The following CATSPERB variants were observed in gnomAD, a reference collection of about 807,000 sequenced individuals.
The protein encoded by CATSPERB is catsper channel auxiliary subunit beta, also known as cation channel sperm-associated auxiliary subunit beta.
Under a neutral mutation model 128.3 loss-of-function variants are expected in CATSPERB, and 93 were observed. That is an observed-to-expected ratio of 0.72 (90% CI 0.61 to 0.86). CATSPERB has a LOEUF of 0.86. Ranked by LOEUF, CATSPERB falls within the 40% of genes least tolerant of loss-of-function variation. CATSPERB has a pLI of 0.00. For synonymous variants in CATSPERB, 381 were observed against 448.8 expected (o/e 0.85, Z 1.91); for missense variants, 1,153 against 1,329.5 (o/e 0.87, Z 2.06).
chr14:91,664,061 G>A (rs1333839266), intron 14 of CATSPERB, among the ~76,000 whole-genome samples: 4 of 152,048 alleles, frequency 2.6e-5, no homozygotes, highest in Non-Finnish European at 4.4e-5. Context: ...TCAGACAGAA[G>A]AGTTTCACTG....
intron 14 of CATSPERB, among the ~76,000 whole-genome samples, chr14:91,661,048 C>T (rs1225804432): frequency 1.3e-5 from 2 of 152,138 alleles, no homozygotes; most frequent in Non-Finnish European, 2.9e-5. Context: ...TTCTGTTACT[C>T]AGGATGCAGC....
At chr14:91,625,094 T>A (rs1894134388) in intron 17 of CATSPERB, 87 bp from the exon 18 acceptor site, 1 of 766,882 alleles carries the variant, frequency 1.3e-6, no homozygotes, top group Non-Finnish European at 2.0e-6. Flanking sequence ...ACAAAGAAAG[T>A]ATACCACAAA....
chr14:91,597,974 T>C (rs997658740), intron 22 of CATSPERB, among the ~76,000 whole-genome samples: 1 of 152,084 alleles, frequency 6.6e-6, no homozygotes, highest in East Asian at 1.9e-4. Flanking sequence ...GACAACTTGA[T>C]TATATAAAAG....
At chr14:91,704,856 A>G (rs1566736287) in intron 6 of CATSPERB, among the ~76,000 whole-genome samples, 155 bp from the exon 7 acceptor site, 1 of 152,226 alleles carries the variant, frequency 6.6e-6, no homozygotes, top group Non-Finnish European at 1.5e-5. Flanking sequence ...AAAATCAGTC[A>G]GTGACTATTT....
rs113213051 is a variant in CATSPERB, at chr14:91,692,938, C to T, written c.831+188G>A. On this transcript the variant is annotated intron_variant, in intron 9 of 26. Coordinates refer to ENST00000256343, the MANE Select transcript of CATSPERB (RefSeq NM_024764.4). ...TTGTAGAGCAATACAACTAGCACCA[C>T]TTCCAAATTATATATTCAATACTAC... 5.2e-3 allele frequency among the ~76,000 whole-genome samples: 786 copies of T among 152,234 alleles called. 9 individuals are homozygous for T. The highest frequency in any genetic ancestry group is 0.018 in the African/African-American group (737 of 41,532).
chr14:91,639,162 A>G lies in CATSPERB; in HGVS notation c.1521T>C (p.Thr507=). The G allele has an allele frequency of 6.2e-7, 1 of 1,614,012 alleles. No homozygotes were observed. The highest frequency in any genetic ancestry group is 2.2e-5 in the East Asian group (1 of 44,874). ...YDHLGFLHKL[T]LGRFEASGPP... is the part of the protein sequence containing the mutation. Reference sequence around the variant, plus strand: ...GTCCACTAGCTTCAAAGCGACCCAGAGTCAGCTTATGTAGGAATCCCAAGT... The same window carrying G: ...GTCCACTAGCTTCAAAGCGACCCAGGGTCAGCTTATGTAGGAATCCCAAGT... Residue 507 remains threonine (T), a synonymous_variant, in exon 16 of 27, where the codon ACT becomes ACC. Transcript: ENST00000256343.
chr14:91,619,556 A>ATTTTTTTT (rs1566706237), intron 19 of CATSPERB, among the ~76,000 whole-genome samples: 1 of 54,874 alleles, frequency 1.8e-5, no homozygotes, highest in Non-Finnish European at 4.7e-5. Context: ...TTTTTTTTAA[A>ATTTTTTTT]AAAAAAATAG....
At chr14:91,604,495 A>G in intron 22 of CATSPERB, 1 of 1,599,868 alleles carries the variant, frequency 6.3e-7, no homozygotes, top group East Asian at 2.2e-5. Context: ...GCTGTATTAC[A>G]TTATGGCCTT....
intron 10 of CATSPERB, among the ~76,000 whole-genome samples, chr14:91,686,522 C>T (rs1185735444): frequency 2.0e-5 from 3 of 152,096 alleles, no homozygotes; most frequent in Non-Finnish European, 4.4e-5. Context: ...AATAATTTCA[C>T]TTTTTCCCCT....
chr14:91,655,712 G>A (rs1219607661), intron 15 of CATSPERB, among the ~76,000 whole-genome samples: 1 of 152,064 alleles, frequency 6.6e-6, no homozygotes, highest in Non-Finnish European at 1.5e-5. Flanking sequence ...GCCTCAAAAG[G>A]GCAAATCTAA....
chr14:91,600,829 C>G (rs1264700982), intron 22 of CATSPERB, among the ~76,000 whole-genome samples: 20 of 152,214 alleles, frequency 1.3e-4, no homozygotes, highest in Admixed American at 1.3e-3. Context: ...AATCCTTGCC[C>G]CAAGGGGCTG....
intron 5 of CATSPERB, among the ~76,000 whole-genome samples, chr14:91,716,750 G>GAC (rs1895949155): frequency 2.7e-5 from 3 of 112,044 alleles, no homozygotes; most frequent in East Asian, 5.6e-4. Flanking sequence ...CACACACACA[G>GAC]ACACACACAC....
At chr14:91,695,385 C>T (rs1302505701) in intron 7 of CATSPERB, among the ~76,000 whole-genome samples, 1 of 152,082 alleles carries the variant, frequency 6.6e-6, no homozygotes, top group Non-Finnish European at 1.5e-5. Flanking sequence ...CCCACCTCAG[C>T]CTCCAAAAGT....
intron 11 of CATSPERB, among the ~76,000 whole-genome samples, chr14:91,679,548 G>A (rs1288726554): frequency 1.3e-5 from 2 of 151,884 alleles, no homozygotes; most frequent in Non-Finnish European, 2.9e-5. Flanking sequence ...ATTTTTGATG[G>A]CTTAAAAAAC....
At position 91,708,055 on chromosome 14, in the gene CATSPERB, T is replaced by C. The variant is rs1052152678; in HGVS notation, c.466+86A>G. On this transcript the variant is annotated intron_variant, in intron 6 of 26. Coordinates refer to ENST00000256343, the MANE Select transcript of CATSPERB (RefSeq NM_024764.4). ...TATTTATTTTTAATCTCTAGGACCT[T>C]AGCACAGAATCTGGCATATAGCGGA... The C allele has an allele frequency of 3.0e-4, 255 of 858,504 alleles. 1 individual carries two copies. Among genetic ancestry groups the C allele is most frequent in the Admixed American group, 3.7e-4 (20 of 54,510 alleles). The allele number at this position is 858,504 out of a possible 1,614,324, so 53.2% of individuals were successfully genotyped here.
chr14:91,678,735 A>C (rs925053422), intron 11 of CATSPERB, among the ~76,000 whole-genome samples: 17 of 152,204 alleles, frequency 1.1e-4, no homozygotes, highest in Non-Finnish European at 2.1e-4. Context: ...TAGATAGATT[A>C]AGCTGTCTGG....
chr14:91,681,746 T>C (rs1202759060), intron 11 of CATSPERB, among the ~76,000 whole-genome samples: 3 of 152,176 alleles, frequency 2.0e-5, no homozygotes, highest in Admixed American at 6.5e-5. Context: ...AGGACCTGAC[T>C]GGCAGCTAGT....
intron 2 of CATSPERB, among the ~76,000 whole-genome samples, chr14:91,726,227 G>A (rs7493365): frequency 0.09 from 13,643 of 152,234 alleles, 673 homozygotes; most frequent in Middle Eastern, 0.13. Context: ...TAAACCGTCC[G>A]TGGACAGCAA....
chr14:91,587,157 T>C (rs780819270), intron 26 of CATSPERB, 45 bp downstream of exon 26: 1 of 1,470,320 alleles, frequency 6.8e-7, no homozygotes, highest in Non-Finnish European at 9.3e-7. Flanking sequence ...TGTCATGTTT[T>C]TTCCCCAGCC....
Sources: gnomAD v4.1 joint callset for allele counts (sites outside exome capture counted in the v4.1 genomes callset) on GRCh38, gnomAD v4.1.1 for gene constraint, MANE v1.5 for transcripts, NCBI Gene and HGNC (gene_info 2026-07-23, HGNC 2026-07-21) for gene names.